The following IFNAR2 variants were observed in gnomAD, a reference collection of about 807,000 sequenced individuals.
The protein encoded by IFNAR2 is interferon alpha/beta receptor 2.
A neutral mutation model predicts 49.4 loss-of-function variants in IFNAR2; 30 were observed. The ratio of observed to expected loss-of-function variants is 0.61; its 90% CI spans 0.45 to 0.82. The LOEUF (loss-of-function observed/expected upper bound fraction) is 0.82, where lower values mean the gene tolerates loss of function less well. IFNAR2 is among the 40% of genes least tolerant of loss of function. The pLI, the probability that IFNAR2 is intolerant of heterozygous loss-of-function variation, is 0.00. For synonymous variants in IFNAR2, 224 were observed against 234.5 expected, an observed-to-expected ratio of 0.96 and a Z score of 0.41; for missense variants, 600 against 622.7, an observed-to-expected ratio of 0.96 and a Z score of 0.39.
At chr21:33,243,529 T>C in intron 2 of IFNAR2, 144 bp from the exon 3 acceptor site, 1 of 712,420 alleles carries the variant, frequency 1.4e-6, no homozygotes, top group Non-Finnish European at 2.5e-6. Flanking sequence ...GTAAAAACCA[T>C]CTATGTGGGC....
At chr21:33,233,331 A>C (rs1317800536) in intron 1 of IFNAR2, among the ~76,000 whole-genome samples, 1 of 152,020 alleles carries the variant, frequency 6.6e-6, no homozygotes. Context: ...GGGACCACTG[A>C]AGTCCCAGAT....
At position 33,263,324 on chromosome 21, in the gene IFNAR2, G is replaced by A; in HGVS notation, c.1372G>A (p.Asp458Asn). 1 of 1,614,178 alleles carries A rather than the reference G, an allele frequency of 6.2e-7. No individual in the cohort carries two copies. Among genetic ancestry groups the A allele is most frequent in the Admixed American group, 1.7e-5 (1 of 60,026 alleles). Residue 458 changes from aspartate (D) to asparagine (N), a missense_variant, in exon 9 of 9, where the codon GAC (aspartate) becomes AAC (asparagine). Coordinates refer to ENST00000342136, the MANE Select transcript of IFNAR2 (RefSeq NM_001289125.3). ...MLSSHLEEMVDPEDPDNVQSN... is the reference protein window; with the variant it reads ...MLSSHLEEMVNPEDPDNVQSN... ...ATCGTCTCATCTGGAAGAGATGGTT[G>A]ACCCAGAGGATCCTGATAATGTGCA... is the stretch of plus-strand genomic sequence containing the variant.
intron 1 of IFNAR2, among the ~76,000 whole-genome samples, chr21:33,235,693 A>G (rs1986397908): frequency 6.6e-6 from 1 of 152,146 alleles, no homozygotes; most frequent in Non-Finnish European, 1.5e-5. Flanking sequence ...TTGGGAGGCC[A>G]AGTCAGGTGG....
intron 4 of IFNAR2, among the ~76,000 whole-genome samples, chr21:33,245,466 G>T (rs1487328033): frequency 2.0e-5 from 3 of 152,190 alleles, no homozygotes. Flanking sequence ...CATATTGATG[G>T]TTTATGTTCA....
intron 5 of IFNAR2, 52 bp from the exon 6 acceptor site, chr21:33,248,657 G>T: frequency 6.6e-7 from 1 of 1,515,988 alleles, no homozygotes; most frequent in South Asian, 1.3e-5. Context: ...GACTTTGTGG[G>T]CCACATATGG....
Position 33,247,230 on chromosome 21 carries a change from TTTTCTTTC to T in IFNAR2, c.394+360_394+367del, listed in dbSNP as rs532465072. Among the ~76,000 whole-genome samples the T allele has an allele frequency of 3.4e-3, 471 of 137,302 alleles. 10 individuals carry two copies. Among genetic ancestry groups the T allele is most frequent in the Middle Eastern group, 0.019 (5 of 270 alleles). The allele number at this position is 137,302 out of a possible 152,430, so 90.1% of individuals were successfully genotyped here. A position where few individuals can be genotyped will look rare whatever the true frequency, so the allele number is the denominator to read the frequency against. ...GCGCTCTCATCTCTCTGGCCCAGGATTTTCTTTCTTTCTTTCTTTCTTTCTTTTTTTTT... is the reference window on the plus strand; with the variant it reads ...GCGCTCTCATCTCTCTGGCCCAGGATTTTCTTTCTTTCTTTCTTTTTTTTT... On this transcript the variant is annotated intron_variant, in intron 5 of 8. Coordinates refer to ENST00000342136, the MANE Select transcript of IFNAR2 (RefSeq NM_001289125.3).
chr21:33,249,343 CAAAAAAA>C (rs58744346), intron 6 of IFNAR2, among the ~76,000 whole-genome samples: 4 of 107,192 alleles, frequency 3.7e-5, no homozygotes, highest in East Asian at 5.9e-4. Context: ...GACTCCGTCT[CAAAAAAA>C]AAAAAAAAAA....
At chr21:33,241,630 ATT>A (rs11287506) in intron 1 of IFNAR2, among the ~76,000 whole-genome samples, 5 of 151,282 alleles carry the variant, frequency 3.3e-5, no homozygotes, top group African/African-American at 7.3e-5. Context: ...ACTTTTCACA[ATT>A]TTTTTTTTGA....
intron 1 of IFNAR2, chr21:33,232,924 G>A (rs899854210): frequency 2.6e-5 from 25 of 980,178 alleles, no homozygotes; most frequent in Non-Finnish European, 2.7e-5. Flanking sequence ...AACAGAAATG[G>A]TAAGGGGGAA....
chr21:33,233,880 G>A (rs1281974002), intron 1 of IFNAR2, among the ~76,000 whole-genome samples: 1 of 151,628 alleles, frequency 6.6e-6, no homozygotes, highest in Non-Finnish European at 1.5e-5. Context: ...GAATGCGATT[G>A]TTATTAATCT....
At chr21:33,261,632 T>A (rs922545200) in intron 8 of IFNAR2, among the ~76,000 whole-genome samples, 1 of 152,098 alleles carries the variant, frequency 6.6e-6, no homozygotes, top group South Asian at 2.1e-4. Flanking sequence ...CTCAGCACTT[T>A]GGGAGGCTGA....
chr21:33,237,078 G>GGTGTGTGTGTGTGTGTGTGTGTGTGT (rs34322078), intron 1 of IFNAR2, among the ~76,000 whole-genome samples: 1 of 147,590 alleles, frequency 6.8e-6, no homozygotes, highest in African/African-American at 2.5e-5. Context: ...GGGAGAATGG[G>GGTGTGTGTGTGTGTGTGTGTGTGTGT]GTGTGTGTGT....
At chr21:33,261,124 C>T (rs1466025804) in intron 8 of IFNAR2, among the ~76,000 whole-genome samples, 2 of 148,936 alleles carry the variant, frequency 1.3e-5, no homozygotes, top group Non-Finnish European at 3.0e-5. Flanking sequence ...GTAACCTCTG[C>T]CTCCTAGGCT....
At chr21:33,243,631 A>G (rs1026295270) in intron 2 of IFNAR2, 42 bp from the exon 3 acceptor site, 2 of 1,549,882 alleles carry the variant, frequency 1.3e-6, no homozygotes, top group Non-Finnish European at 1.8e-6. Context: ...AGTTGAGCCC[A>G]GATAAAACTA....
At chr21:33,260,550 G>A (rs202028632) in intron 7 of IFNAR2, 47 bp from the exon 8 acceptor site, 128 of 1,547,680 alleles carry the variant, frequency 8.3e-5, no homozygotes, top group Non-Finnish European at 1.3e-5. Flanking sequence ...ATCTGCAATT[G>A]TTTATTGCAT....
At chr21:33,243,070 G>A (rs950903599) in intron 2 of IFNAR2, among the ~76,000 whole-genome samples, 2 of 151,024 alleles carry the variant, frequency 1.3e-5, no homozygotes, top group South Asian at 2.1e-4. Context: ...TTACAGGTAT[G>A]AGCCACTGTG....
chr21:33,243,650 C>G, intron 2 of IFNAR2, 23 bp from the exon 3 acceptor site: 1 of 1,604,496 alleles, frequency 6.2e-7, no homozygotes, highest in Non-Finnish European at 8.5e-7. Flanking sequence ...TATTGCCTCT[C>G]TAATGTGTTT....
chr21:33,249,772 G>A (rs2040261414), intron 6 of IFNAR2, among the ~76,000 whole-genome samples: 3 of 152,216 alleles, frequency 2.0e-5, no homozygotes, highest in Admixed American at 2.0e-4. Flanking sequence ...AGTGAGACCA[G>A]CCTGAGAGAT....
chr21:33,261,841 A>C (rs1172446581), intron 8 of IFNAR2, among the ~76,000 whole-genome samples: 2 of 152,170 alleles, frequency 1.3e-5, no homozygotes, highest in Non-Finnish European at 2.9e-5. Context: ...GCGCCACTGC[A>C]CTCCAGCCTC....
Sources: gnomAD v4.1 joint callset for allele counts (sites outside exome capture counted in the v4.1 genomes callset) on GRCh38, gnomAD v4.1.1 for gene constraint, MANE v1.5 for transcripts, NCBI Gene and HGNC (gene_info 2026-07-23, HGNC 2026-07-21) for gene names.